The following CDK19 variants were observed in gnomAD, a reference collection of about 807,000 sequenced individuals.
CDK19 encodes cyclin dependent kinase 19.
A neutral mutation model predicts 68.3 loss-of-function variants in CDK19; 20 were observed. The ratio of observed to expected loss-of-function variants is 0.29; its 90% CI spans 0.21 to 0.43. The LOEUF (loss-of-function observed/expected upper bound fraction) is 0.43. Among genes scored for constraint, CDK19 ranks in the 20% least tolerant of loss-of-function variants. The pLI is 1.00. For missense variants in CDK19, 339 were observed against 623.5 expected, an observed-to-expected ratio of 0.54 and a Z score of 4.86; for synonymous variants, 221 against 222.8, an observed-to-expected ratio of 0.99 and a Z score of 0.07.
chr6:110,788,807 CT>C (rs1186359957), intron 1 of CDK19, among the ~76,000 whole-genome samples: 1 of 152,124 alleles, frequency 6.6e-6, no homozygotes, highest in Admixed American at 6.5e-5. Flanking sequence ...GCAACTGCAG[CT>C]GCAGACTTCA....
chr6:110,622,079 A>C lies in CDK19; in HGVS notation c.1110+9T>G, dbSNP rs759748166. On this transcript the variant is annotated intron_variant, in intron 11 of 12. Coordinates refer to ENST00000368911, the MANE Select transcript of CDK19 (RefSeq NM_015076.5). ...CTTTGGAAGTGAAAGTATACCGTGC[A>C]GTTTATACCTTGTCACCTTTTTCTT... is the stretch of plus-strand genomic sequence containing the variant. The C allele has an allele frequency of 6.3e-7, 1 of 1,574,930 alleles. No homozygotes were observed. The highest frequency in any genetic ancestry group is 8.7e-7 in the Non-Finnish European group (1 of 1,149,348).
chr6:110,643,324 TA>T, intron 4 of CDK19: 2 of 552,816 alleles, frequency 3.6e-6, no homozygotes, highest in East Asian at 7.2e-5. Context: ...AAGCTGAAAG[TA>T]AAAGGCAAAC....
At position 110,714,882 on chromosome 6, in the gene CDK19, C is replaced by T. The variant is rs138192880; in HGVS notation, c.204+31244G>A. On this transcript the variant is annotated intron_variant, in intron 2 of 12. Transcript: ENST00000368911. ...CCAAGTAGCTGGAATTACAGGCATG[C>T]GCCACCACGCCCGGCTAATTTCTGT... Among the ~76,000 whole-genome samples, 439 of 151,886 alleles carry T rather than the reference C, an allele frequency of 2.9e-3. 3 individuals carry two copies. The highest frequency in any genetic ancestry group is 8.2e-3 in the Admixed American group (125 of 15,248).
Position 110,713,668 on chromosome 6 carries a change from C to T in CDK19, c.204+32458G>A, listed in dbSNP as rs115164148. Among the ~76,000 whole-genome samples the T allele has an allele frequency of 5.2e-3, 793 of 151,938 alleles. 5 individuals carry two copies. Among genetic ancestry groups the T allele is most frequent in the African/African-American group, 0.017 (715 of 41,440 alleles). On this transcript the variant is annotated intron_variant, in intron 2 of 12. Coordinates refer to ENST00000368911, the MANE Select transcript of CDK19 (RefSeq NM_015076.5). ...TGTAATTTTTCTAAGCACAAAACAA[C>T]AATATTGAAATAAAATTCCCTTTAG...
At chr6:110,649,951 T>C (rs762991803) in intron 4 of CDK19, among the ~76,000 whole-genome samples, 4 of 152,240 alleles carry the variant, frequency 2.6e-5, no homozygotes, top group Non-Finnish European at 4.4e-5. Flanking sequence ...AACAACTATA[T>C]ATAGCCTTTG....
chr6:110,623,371 A>T lies in CDK19; in HGVS notation c.861-9T>A. The stretch of plus-strand genomic sequence containing the variant: ...GGCTACTGTTGGCATACCTGCAAGG[A>T]CACGCACAGTCACACATCACTGGGA... On this transcript the variant is annotated splice_polypyrimidine_tract_variant and intron_variant, in intron 8 of 12. Transcript: ENST00000368911. 6.2e-7 allele frequency: 1 copy of T among 1,613,148 alleles called. No homozygotes were observed. Among genetic ancestry groups the T allele is most frequent in the Non-Finnish European group, 8.5e-7 (1 of 1,179,418 alleles).
At chr6:110,663,289 C>T (rs1781726403) in intron 4 of CDK19, among the ~76,000 whole-genome samples, 1 of 152,178 alleles carries the variant, frequency 6.6e-6, no homozygotes, top group Non-Finnish European at 1.5e-5. Flanking sequence ...AACTCTTAAA[C>T]TCACAAAACA....
intron 8 of CDK19, among the ~76,000 whole-genome samples, chr6:110,623,862 A>C (rs116888288): frequency 2.1e-5 from 3 of 141,508 alleles, no homozygotes; most frequent in African/African-American, 7.9e-5. Flanking sequence ...ATATATATAC[A>C]TATATAGTAT....
rs1190558833 is a variant in CDK19, at chr6:110,613,071, A to G, written c.*1464T>C. ...AAACAAGGCTGGTGCTGCTAGTAGC[A>G]TTCAGAAGAACACAAATTTCTTGCC... is the stretch of plus-strand genomic sequence containing the variant. On this transcript the variant is annotated 3_prime_UTR_variant, in exon 13 of 13. Transcript: ENST00000368911. 4 of 152,644 alleles carry G rather than the reference A, an allele frequency of 2.6e-5. No individual in the cohort carries two copies. The highest frequency in any genetic ancestry group is 1.3e-4 in the Admixed American group (2 of 15,284). 9.5% of individuals were successfully genotyped at this position (152,644 alleles called of 1,614,324 possible).
intron 1 of CDK19, among the ~76,000 whole-genome samples, chr6:110,806,325 A>G (rs191941401): frequency 6.8e-6 from 1 of 146,820 alleles, no homozygotes; most frequent in Admixed American, 7.2e-5. Flanking sequence ...GGGCAAGAAG[A>G]GCGAAACTCC....
chr6:110,711,929 C>T lies in CDK19; in HGVS notation c.204+34197G>A, dbSNP rs181561226. ...CGGAGGTTGTAGTGAGCAGAGGTTG[C>T]GCCACTGCACTCCAGCCTGGGTGAC... is the stretch of plus-strand genomic sequence containing the variant. On this transcript the variant is annotated intron_variant, in intron 2 of 12. Transcript: ENST00000368911. 9.8e-5 allele frequency among the ~76,000 whole-genome samples: 15 copies of T among 152,290 alleles called. No homozygotes were observed. The East Asian group carries it at 2.9e-3, about 29-fold the overall frequency.
At chr6:110,710,327 G>T (rs1173367716) in intron 2 of CDK19, among the ~76,000 whole-genome samples, 1 of 152,156 alleles carries the variant, frequency 6.6e-6, no homozygotes, top group Non-Finnish European at 1.5e-5. Context: ...TGTCTTATGT[G>T]GGAGAGGCTC....
At chr6:110,805,109 C>CT (rs1261357993) in intron 1 of CDK19, among the ~76,000 whole-genome samples, 1 of 152,190 alleles carries the variant, frequency 6.6e-6, no homozygotes, top group Non-Finnish European at 1.5e-5. Context: ...TCTCGTGAGA[C>CT]TCTCTTTTAT....
chr6:110,656,794 G>T (rs1781332801), intron 4 of CDK19, among the ~76,000 whole-genome samples: 1 of 152,106 alleles, frequency 6.6e-6, no homozygotes, highest in African/African-American at 2.4e-5. Context: ...ATTATAAAAA[G>T]TTCAATGTAA....
chr6:110,664,235 G>A (rs1324939829), intron 4 of CDK19, among the ~76,000 whole-genome samples: 1 of 152,000 alleles, frequency 6.6e-6, no homozygotes, highest in East Asian at 1.9e-4. Context: ...AAACTCCCTT[G>A]GGTTACCCTC....
At chr6:110,620,475 C>T (rs1778638751) in intron 12 of CDK19, among the ~76,000 whole-genome samples, 1 of 151,602 alleles carries the variant, frequency 6.6e-6, no homozygotes, top group South Asian at 2.1e-4. Context: ...ATTTTTTTTT[C>T]AAAATTTCCT....
chr6:110,739,830 G>C (rs2114844711), intron 2 of CDK19, among the ~76,000 whole-genome samples: 1 of 150,850 alleles, frequency 6.6e-6, no homozygotes, highest in Non-Finnish European at 1.5e-5. Context: ...TATAGAGACA[G>C]GGTCTCACAA....
intron 2 of CDK19, among the ~76,000 whole-genome samples, chr6:110,688,655 G>GC (rs1246675866): frequency 7.9e-5 from 12 of 152,164 alleles, no homozygotes; most frequent in African/African-American, 2.9e-4. Context: ...ACAGAGAAGG[G>GC]CCTTAACCCC....
At chr6:110,754,769 C>G (rs1030031117) in intron 1 of CDK19, among the ~76,000 whole-genome samples, 3 of 152,142 alleles carry the variant, frequency 2.0e-5, no homozygotes, top group African/African-American at 7.2e-5. Flanking sequence ...CGTCAGCCAC[C>G]CTGCCTGGCC....
Sources: allele counts gnomAD v4.1 joint callset (sites outside exome capture counted in the v4.1 genomes callset), GRCh38; gene constraint gnomAD v4.1.1; transcripts MANE v1.5; gene names NCBI Gene and HGNC (gene_info 2026-07-23, HGNC 2026-07-21).